Variants in ROR2 observed in about 807,000 individuals in gnomAD.
The protein encoded by ROR2 is ROR family WNT receptor 2, also known as tyrosine-protein kinase transmembrane receptor ROR2.
In ROR2, 33 loss-of-function variants were observed where a neutral mutation model predicts 74.9. The observed-to-expected ratio is 0.44, with a 90% confidence interval of 0.33 to 0.59. The LOEUF (loss-of-function observed/expected upper bound fraction) is 0.59. Among genes scored for constraint, ROR2 ranks in the 20% least tolerant of loss-of-function variants. The pLI, the probability that ROR2 is intolerant of heterozygous loss-of-function variation, is 0.02. For missense variants in ROR2, 1,216 were observed against 1,313.8 expected (o/e 0.93, Z 1.15); for synonymous variants, 586 against 558.7 (o/e 1.05, Z -0.69).
intron 1 of ROR2, among the ~76,000 whole-genome samples, chr9:91,801,950 C>T (rs1029238254): frequency 2.6e-5 from 4 of 152,200 alleles, no homozygotes; most frequent in African/African-American, 7.2e-5. Context: ...GCAGATGGGG[C>T]CATGCCCCAG....
At chr9:91,923,940 G>C (rs915055018) in intron 1 of ROR2, 1 of 152,292 alleles carries the variant, frequency 6.6e-6, no homozygotes, top group Non-Finnish European at 1.5e-5. Context: ...TGGAATGAGA[G>C]CCGAGGAGAA....
chr9:91,838,855 G>A (rs1343431752), intron 1 of ROR2, among the ~76,000 whole-genome samples: 1 of 152,104 alleles, frequency 6.6e-6, no homozygotes, highest in Non-Finnish European at 1.5e-5. Context: ...TTAAATAAAC[G>A]GGCACAAAGA....
chr9:91,729,544 G>A (rs932414435), intron 7 of ROR2, among the ~76,000 whole-genome samples: 3 of 152,170 alleles, frequency 2.0e-5, no homozygotes, highest in African/African-American at 7.2e-5. Context: ...CCTGCACTTC[G>A]GAGTAGAGAC....
intron 6 of ROR2, among the ~76,000 whole-genome samples, chr9:91,731,767 T>C (rs1318847130): frequency 1.3e-5 from 2 of 151,888 alleles, no homozygotes; most frequent in South Asian, 2.1e-4. Context: ...ATACAAAAAT[T>C]AGCCAGATGT....
chr9:91,867,278 T>C (rs1408610246), intron 1 of ROR2, among the ~76,000 whole-genome samples: 1 of 152,220 alleles, frequency 6.6e-6, no homozygotes, highest in African/African-American at 2.4e-5. Flanking sequence ...ATGGTTCTTT[T>C]TTCATTTTCT....
At chr9:91,927,129 G>A (rs1831426280) in intron 1 of ROR2, among the ~76,000 whole-genome samples, 1 of 152,172 alleles carries the variant, frequency 6.6e-6, no homozygotes, top group African/African-American at 2.4e-5. Flanking sequence ...GCCATACTCA[G>A]CCCACCAGAG....
chr9:91,924,465 A>C (rs1157187449), intron 1 of ROR2, among the ~76,000 whole-genome samples: 1 of 152,226 alleles, frequency 6.6e-6, no homozygotes, highest in Non-Finnish European at 1.5e-5. Flanking sequence ...TTTTACGTGC[A>C]TTAGAGAGGC....
At chr9:91,744,394 G>C (rs1825342762) in intron 4 of ROR2, among the ~76,000 whole-genome samples, 2 of 151,500 alleles carry the variant, frequency 1.3e-5, no homozygotes, top group South Asian at 2.1e-4. Flanking sequence ...GCTAATTTTT[G>C]TATTTTTTAG....
chr9:91,755,879 T>C, intron 4 of ROR2, 192 bp downstream of exon 4: 3 of 645,236 alleles, frequency 4.6e-6, no homozygotes, highest in Admixed American at 2.8e-5. Context: ...TGACTTTTTT[T>C]CTGTACAAGA....
intron 2 of ROR2, among the ~76,000 whole-genome samples, chr9:91,766,745 G>A (rs1353336041): frequency 6.6e-6 from 1 of 152,312 alleles, no homozygotes; most frequent in East Asian, 1.9e-4. Context: ...AACCTCTCCA[G>A]AAACAATTTG....
intron 1 of ROR2, among the ~76,000 whole-genome samples, chr9:91,803,814 T>C (rs1310024783): frequency 6.6e-6 from 1 of 152,224 alleles, no homozygotes; most frequent in Non-Finnish European, 1.5e-5. Flanking sequence ...GCTTATACTT[T>C]CCAGGGACCT....
At chr9:91,754,748 G>C (rs1825693504) in intron 4 of ROR2, among the ~76,000 whole-genome samples, 1 of 152,144 alleles carries the variant, frequency 6.6e-6, no homozygotes, top group African/African-American at 2.4e-5. Context: ...TTTTTCCAAA[G>C]CCCCATAATT....
At chr9:91,931,275 C>G (rs1355033569) in intron 1 of ROR2, among the ~76,000 whole-genome samples, 1 of 152,110 alleles carries the variant, frequency 6.6e-6, no homozygotes, top group Non-Finnish European at 1.5e-5. Flanking sequence ...AGGCAAGTCA[C>G]AAATAAGGAA....
chr9:91,910,048 G>C (rs10992157), intron 1 of ROR2, among the ~76,000 whole-genome samples: 1 of 151,230 alleles, frequency 6.6e-6, no homozygotes, highest in Non-Finnish European at 1.5e-5. Flanking sequence ...TTTTAGTAGA[G>C]ATGGGGTTTT....
intron 1 of ROR2, among the ~76,000 whole-genome samples, chr9:91,949,546 G>A (rs1451873021): frequency 2.0e-5 from 3 of 151,596 alleles, no homozygotes; most frequent in Non-Finnish European, 4.4e-5. Flanking sequence ...CGGGCCCAGG[G>A]CGGGTACTCA....
At chr9:91,780,309 G>A (rs1237064479) in intron 1 of ROR2, among the ~76,000 whole-genome samples, 3 of 151,840 alleles carry the variant, frequency 2.0e-5, no homozygotes, top group South Asian at 4.1e-4. Context: ...GCTGGGAGGC[G>A]GAGCTTGCAG....
intron 1 of ROR2, among the ~76,000 whole-genome samples, chr9:91,891,533 T>G (rs961941070): frequency 6.6e-6 from 1 of 152,076 alleles, no homozygotes; most frequent in South Asian, 2.1e-4. Context: ...CCTCCCAAAG[T>G]GCGGGGATTA....
In ROR2 at chr9:91,840,408, A is replaced by G. The variant is rs1828747308; in HGVS notation, c.98-64590T>C. ...ACAAACACTTCCAAAGGCACCCTCCAGACGGGCCCACCATACCCAATTGCT... is the reference window on the plus strand; with the variant it reads ...ACAAACACTTCCAAAGGCACCCTCCGGACGGGCCCACCATACCCAATTGCT... On this transcript the variant is annotated intron_variant, in intron 1 of 8. Coordinates refer to ENST00000375708, the MANE Select transcript of ROR2 (RefSeq NM_004560.4). Among the ~76,000 whole-genome samples, 3 of 152,324 alleles carry G rather than the reference A, an allele frequency of 2.0e-5. No homozygotes were observed. In the South Asian group the frequency reaches 6.2e-4, roughly 32 times the overall value.
Sources: allele counts gnomAD v4.1 joint callset (sites outside exome capture counted in the v4.1 genomes callset), GRCh38; gene constraint gnomAD v4.1.1; transcripts MANE v1.5; gene names NCBI Gene and HGNC (gene_info 2026-07-23, HGNC 2026-07-21).